The following WDPCP variants were observed in gnomAD, a reference collection of about 807,000 sequenced individuals.
WDPCP encodes the protein WD repeat containing planar cell polarity effector, also known as WD repeat-containing and planar cell polarity effector protein fritz homolog.
A neutral mutation model predicts 93.1 loss-of-function variants in WDPCP; 71 were observed. The ratio of observed to expected loss-of-function variants is 0.76; its 90% CI spans 0.63 to 0.93. The LOEUF (loss-of-function observed/expected upper bound fraction) is 0.93, where lower values mean the gene tolerates loss of function less well. Ranked by LOEUF, WDPCP falls within the 40% of genes least tolerant of loss-of-function variation. The pLI, the probability that WDPCP is intolerant of heterozygous loss-of-function variation, is 0.00. For synonymous variants in WDPCP, 315 were observed against 315.0 expected (o/e 1.00, Z 0.00); for missense variants, 844 against 887.4 (o/e 0.95, Z 0.62).
At chr2:63,776,019 G>T (rs1402811169) in intron 2 of WDPCP, among the ~76,000 whole-genome samples, 1 of 151,874 alleles carries the variant, frequency 6.6e-6, no homozygotes, top group African/African-American at 2.4e-5. Context: ...AGCTATGATT[G>T]CACCACTGCA....
intron 6 of WDPCP, 44 bp downstream of exon 6, chr2:63,484,560 G>A: frequency 6.2e-7 from 1 of 1,607,212 alleles, no homozygotes. Context: ...ATAGTTTTCA[G>A]CTCCATTGGT....
chr2:63,216,711 TA>T (rs201690903), intron 14 of WDPCP, among the ~76,000 whole-genome samples: 47 of 145,810 alleles, frequency 3.2e-4, no homozygotes, highest in Admixed American at 8.9e-4. Context: ...TAAAGTTTAA[TA>T]AAAAAAAAAC....
chr2:63,239,387 G>A (rs1248725232), intron 14 of WDPCP, among the ~76,000 whole-genome samples: 1 of 152,058 alleles, frequency 6.6e-6, no homozygotes, highest in Non-Finnish European at 1.5e-5. Context: ...AATTCCCCTT[G>A]AGAATATAGA....
chr2:63,452,326 C>G (rs1267952904), intron 6 of WDPCP, among the ~76,000 whole-genome samples: 1 of 152,084 alleles, frequency 6.6e-6, no homozygotes, highest in Admixed American at 6.6e-5. Flanking sequence ...AAATCACGAG[C>G]GAACTCCCAT....
intron 2 of WDPCP, among the ~76,000 whole-genome samples, chr2:63,655,026 G>A (rs1250239395): frequency 6.6e-6 from 1 of 152,160 alleles, no homozygotes; most frequent in Non-Finnish European, 1.5e-5. Flanking sequence ...CCAGAGATGA[G>A]AGACTAGAGA....
intron 1 of WDPCP, among the ~76,000 whole-genome samples, chr2:63,521,237 T>C (rs573765616): frequency 6.6e-6 from 1 of 152,306 alleles, no homozygotes; most frequent in East Asian, 1.9e-4. Context: ...ACATGCTAAA[T>C]GCCCTAATTA....
intron 14 of WDPCP, among the ~76,000 whole-genome samples, chr2:63,189,341 C>T (rs1327745244): frequency 6.6e-6 from 1 of 152,162 alleles, no homozygotes; most frequent in Non-Finnish European, 1.5e-5. Context: ...GTCAGGCAAG[C>T]AAAATGCAAT....
intron 17 of WDPCP, among the ~76,000 whole-genome samples, chr2:63,142,929 C>T (rs1040348696): frequency 6.6e-6 from 1 of 150,848 alleles, no homozygotes; most frequent in Admixed American, 6.6e-5. Flanking sequence ...CATATACACA[C>T]ACACACACAC....
chr2:63,273,825 ACGC>A (rs1682856938), intron 13 of WDPCP, among the ~76,000 whole-genome samples: 1 of 144,940 alleles, frequency 6.9e-6, no homozygotes, highest in Non-Finnish European at 1.6e-5. Flanking sequence ...ACACACACAC[ACGC>A]ACACACACAC....
chr2:63,524,463 T>C (rs192119430), intron 1 of WDPCP, among the ~76,000 whole-genome samples: 1 of 152,200 alleles, frequency 6.6e-6, no homozygotes, highest in Non-Finnish European at 1.5e-5. Flanking sequence ...ACCACAACTC[T>C]CTGATCTTTG....
intron 17 of WDPCP, among the ~76,000 whole-genome samples, chr2:63,124,230 T>C (rs1191479564): frequency 6.6e-6 from 1 of 152,034 alleles, no homozygotes; most frequent in Non-Finnish European, 1.5e-5. Flanking sequence ...TTTGTTTGTT[T>C]CCTAGTTTGG....
chr2:63,481,420 T>C lies in WDPCP; in HGVS notation c.384+3184A>G, dbSNP rs557640836. 7.9e-5 allele frequency among the ~76,000 whole-genome samples: 12 copies of C among 152,154 alleles called. No homozygotes were observed. The South Asian group carries it at 1.4e-3, about 18-fold the overall frequency. On this transcript the variant is annotated intron_variant, in intron 6 of 17. Coordinates refer to ENST00000272321, the MANE Select transcript of WDPCP (RefSeq NM_015910.7). ...CTACCGAGATGAAAAGAAGTCATTA[T>C]ACGAAAAAGATACTTGCCCATGCAT...
chr2:63,408,385 G>C (rs867599947), intron 9 of WDPCP, among the ~76,000 whole-genome samples: 1 of 152,142 alleles, frequency 6.6e-6, no homozygotes, highest in South Asian at 2.1e-4. Context: ...AATTTAGAGA[G>C]TGGAGCAAAA....
intron 10 of WDPCP, among the ~76,000 whole-genome samples, chr2:63,400,281 A>T (rs1020863369): frequency 2.6e-5 from 4 of 152,226 alleles, no homozygotes; most frequent in Non-Finnish European, 2.9e-5. Context: ...ATACATAAAA[A>T]ATCAACTGGA....
At chr2:63,476,197 T>C (rs1699961339) in intron 6 of WDPCP, among the ~76,000 whole-genome samples, 1 of 152,124 alleles carries the variant, frequency 6.6e-6, no homozygotes, top group Non-Finnish European at 1.5e-5. Context: ...TTTAATATGG[T>C]ACTCCGCAAT....
Position 63,433,910 on chromosome 2 carries a change from T to G in WDPCP, c.660A>C (p.Pro220=), listed in dbSNP as rs1331099124. Residue 220 remains proline (P), a synonymous_variant, in exon 9 of 18, where the codon CCA becomes CCC. Coordinates refer to ENST00000272321, the MANE Select transcript of WDPCP (RefSeq NM_015910.7). ...YKIFYYEIPG[P]INKTTERHLA... is the part of the protein sequence containing the mutation. ...GATGTCGCTCTGTTGTCTTGTTTAT[T>G]GGGCCGGGTATTTCATAATAGAAAA... 3 of 1,613,928 alleles carry G rather than the reference T, an allele frequency of 1.9e-6. No individual in the cohort carries two copies. The East Asian group carries it at 6.7e-5, about 36-fold the overall frequency.
intron 2 of WDPCP, among the ~76,000 whole-genome samples, chr2:63,806,110 T>C (rs1383116033): frequency 6.6e-6 from 1 of 152,072 alleles, no homozygotes; most frequent in Admixed American, 6.5e-5. Flanking sequence ...TGAGAGCCTG[T>C]CTCAAAAAAA....
chr2:63,784,993 G>A (rs543409227), intron 2 of WDPCP, among the ~76,000 whole-genome samples: 77 of 152,242 alleles, frequency 5.1e-4, no homozygotes, highest in South Asian at 1.5e-3. Context: ...TATATACAGA[G>A]CTTGGCTACG....
At chr2:63,316,763 C>G (rs1287178904) in intron 12 of WDPCP, among the ~76,000 whole-genome samples, 1 of 152,048 alleles carries the variant, frequency 6.6e-6, no homozygotes, top group Non-Finnish European at 1.5e-5. Context: ...AAACTATCTC[C>G]CTTCTCAGAT....
Sources: gnomAD v4.1 joint callset for allele counts (sites outside exome capture counted in the v4.1 genomes callset) on GRCh38, gnomAD v4.1.1 for gene constraint, MANE v1.5 for transcripts, NCBI Gene and HGNC (gene_info 2026-07-23, HGNC 2026-07-21) for gene names.